RBFOX1: variants seen among roughly 807,000 people sequenced by gnomAD.
The protein encoded by RBFOX1 is RNA binding protein fox-1 homolog 1.
RBFOX1 carries 8 observed loss-of-function variants against 57.7 expected under a neutral mutation model. The observed-to-expected ratio is 0.14, with a 90% CI of 0.08 to 0.25. The LOEUF (loss-of-function observed/expected upper bound fraction) is 0.25. Ranked by LOEUF, RBFOX1 falls within the 10% of genes least tolerant of loss-of-function variation. The probability of loss-of-function intolerance (pLI) is 1.00; values close to 1 mark genes in which losing one functional copy is unlikely to be tolerated. For synonymous variants in RBFOX1, 326 were observed against 222.4 expected (o/e 1.47, Z -4.15); for missense variants, 611 against 548.5 (o/e 1.11, Z -1.14).
chr16:7,171,844 A>G (rs190176086), intron 4 of RBFOX1, among the ~76,000 whole-genome samples: 15 of 152,266 alleles, frequency 9.9e-5, no homozygotes, highest in Admixed American at 9.1e-4. Context: ...TGCTTATCGC[A>G]TAGTTTAAAG....
intron 1 of RBFOX1, among the ~76,000 whole-genome samples, chr16:6,285,274 A>C (rs2076786028): frequency 6.6e-6 from 1 of 152,172 alleles, no homozygotes; most frequent in African/African-American, 2.4e-5. Context: ...CCTCCATGAC[A>C]AAGGCATTTG....
intron 2 of RBFOX1, among the ~76,000 whole-genome samples, chr16:6,538,390 G>T (rs1599218957): frequency 6.6e-6 from 1 of 152,166 alleles, no homozygotes; most frequent in East Asian, 1.9e-4. Context: ...TACTTGGGTG[G>T]CTGAGGTGGG....
chr16:7,467,036 T>C (rs2060649498), intron 4 of RBFOX1, among the ~76,000 whole-genome samples: 1 of 152,214 alleles, frequency 6.6e-6, no homozygotes, highest in Non-Finnish European at 1.5e-5. Flanking sequence ...CTCTTATCTC[T>C]ATGTAGCTTC....
At chr16:7,046,728 C>T (rs1233690688) in intron 3 of RBFOX1, among the ~76,000 whole-genome samples, 1 of 151,132 alleles carries the variant, frequency 6.6e-6, no homozygotes, top group Non-Finnish European at 1.5e-5. Context: ...GCCTCAGCCT[C>T]CCAAATAGCT....
intron 3 of RBFOX1, among the ~76,000 whole-genome samples, chr16:6,860,179 C>G (rs749127496): frequency 1.3e-5 from 2 of 152,174 alleles, no homozygotes. Context: ...TCTGAGTCAT[C>G]TGCAATAGCG....
At position 7,095,227 on chromosome 16, in the gene RBFOX1, C is replaced by G. The variant is rs569949358; in HGVS notation, c.27+43129C>G. Among the ~76,000 whole-genome samples, 229 of 152,264 alleles carry G rather than the reference C, an allele frequency of 1.5e-3. 1 individual carries two copies. The highest frequency in any genetic ancestry group is 5.0e-3 in the South Asian group (24 of 4,822). ...TCTCAGCTCACTGCAACCTCCGCCT[C>G]CCAGGTTCAAACGATTCTCCTGCCT... On this transcript the variant is annotated intron_variant, in intron 4 of 15. Transcript: ENST00000550418.
intron 1 of RBFOX1, among the ~76,000 whole-genome samples, chr16:6,107,673 G>C: frequency 6.8e-6 from 1 of 147,614 alleles, no homozygotes; most frequent in South Asian, 2.2e-4. Context: ...AGATGCATGG[G>C]TGGATGGATA....
At chr16:6,095,434 G>C (rs2096233258) in intron 1 of RBFOX1, among the ~76,000 whole-genome samples, 1 of 152,140 alleles carries the variant, frequency 6.6e-6, no homozygotes, top group South Asian at 2.1e-4. Context: ...TTGGACCCTT[G>C]GGGGATGGCC....
chr16:5,373,116 G>T (rs765286725), intron 1 of RBFOX1, among the ~76,000 whole-genome samples: 18 of 152,240 alleles, frequency 1.2e-4, no homozygotes, highest in African/African-American at 3.6e-4. Flanking sequence ...GGAGTGGGGA[G>T]GAGGAGGACG....
chr16:6,698,197 C>T (rs1028903642), intron 3 of RBFOX1, among the ~76,000 whole-genome samples: 2 of 152,148 alleles, frequency 1.3e-5, no homozygotes, highest in Admixed American at 6.5e-5. Context: ...TTCCCTCGTG[C>T]TCCAATTTGA....
chr16:6,743,168 A>G (rs894073559), intron 3 of RBFOX1, among the ~76,000 whole-genome samples: 2 of 152,198 alleles, frequency 1.3e-5, no homozygotes, highest in Non-Finnish European at 2.9e-5. Context: ...AGTTCCCACT[A>G]AAAAGATGAA....
At chr16:7,195,162 G>C (rs1310417946) in intron 4 of RBFOX1, among the ~76,000 whole-genome samples, 1 of 152,076 alleles carries the variant, frequency 6.6e-6, no homozygotes, top group East Asian at 1.9e-4. Flanking sequence ...TGCATTTCTT[G>C]TTGGACCAGC....
chr16:6,326,780 C>T (rs2082419249), intron 2 of RBFOX1, among the ~76,000 whole-genome samples: 1 of 152,014 alleles, frequency 6.6e-6, no homozygotes, highest in Non-Finnish European at 1.5e-5. Context: ...GATCGGTGTC[C>T]TCCCTGACGT....
At chr16:7,293,998 T>G (rs903781161) in intron 4 of RBFOX1, among the ~76,000 whole-genome samples, 3 of 152,122 alleles carry the variant, frequency 2.0e-5, no homozygotes, top group African/African-American at 7.2e-5. Context: ...ATCTTGTACT[T>G]TAAAGATAAA....
At chr16:6,703,851 C>G (rs953359479) in intron 3 of RBFOX1, 37 of 152,320 alleles carry the variant, frequency 2.4e-4, no homozygotes, top group African/African-American at 8.4e-4. Context: ...GGATAGCCAG[C>G]AACTCTGAAA....
chr16:5,977,154 C>T (rs2060080480), intron 4 of RBFOX1, among the ~76,000 whole-genome samples: 1 of 152,112 alleles, frequency 6.6e-6, no homozygotes, highest in East Asian at 1.9e-4. Flanking sequence ...ACTGGACCAC[C>T]CATCTCTGTA....
At chr16:7,263,822 C>T (rs1405771890) in intron 4 of RBFOX1, among the ~76,000 whole-genome samples, 1 of 151,654 alleles carries the variant, frequency 6.6e-6, no homozygotes. Context: ...ATCGCTTGAA[C>T]CCAGAAGGCG....
intron 1 of RBFOX1, among the ~76,000 whole-genome samples, chr16:6,211,228 C>CTTT (rs990122299): frequency 3.1e-5 from 3 of 96,846 alleles, no homozygotes; most frequent in Non-Finnish European, 4.2e-5. Context: ...ATCTAGTTAA[C>CTTT]TTTTTTTTTT....
chr16:6,225,197 G>A (rs9939574), intron 1 of RBFOX1, among the ~76,000 whole-genome samples: 1 of 148,868 alleles, frequency 6.7e-6, no homozygotes, highest in Non-Finnish European at 1.5e-5. Flanking sequence ...ATCCCAATAC[G>A]TGCTAACTGA....
Sources: allele counts gnomAD v4.1 joint callset (sites outside exome capture counted in the v4.1 genomes callset), GRCh38; gene constraint gnomAD v4.1.1; transcripts MANE v1.5; gene names NCBI Gene and HGNC (gene_info 2026-07-23, HGNC 2026-07-21).